FAM227B: variants seen among roughly 807,000 people sequenced by gnomAD.
FAM227B encodes the protein protein FAM227B.
In FAM227B, 88 loss-of-function variants were observed where a neutral mutation model predicts 73.8. The observed-to-expected ratio is 1.19, with a 90% confidence interval of 1.00 to 1.42. The LOEUF (loss-of-function observed/expected upper bound fraction) is 1.42, where lower values mean the gene tolerates loss of function less well. FAM227B is among the 40% of genes most tolerant of loss of function. The pLI is 0.00. For missense variants in FAM227B, 632 were observed against 590.9 expected, an observed-to-expected ratio of 1.07 and a Z score of -0.72; for synonymous variants, 210 against 190.5, an observed-to-expected ratio of 1.10 and a Z score of -0.84.
At chr15:49,478,169 A>G (rs1171903036) in intron 11 of FAM227B, among the ~76,000 whole-genome samples, 1 of 152,158 alleles carries the variant, frequency 6.6e-6, no homozygotes, top group East Asian at 1.9e-4. Context: ...AACATGCAGT[A>G]TTTAGTTTTC....
intron 11 of FAM227B, among the ~76,000 whole-genome samples, chr15:49,389,888 T>C (rs1218139384): frequency 6.6e-6 from 1 of 152,018 alleles, no homozygotes; most frequent in African/African-American, 2.4e-5. Flanking sequence ...TGCCTTGTCT[T>C]TATGCCCTTG....
At chr15:49,540,824 T>C (rs1380137691) in intron 10 of FAM227B, among the ~76,000 whole-genome samples, 1 of 152,144 alleles carries the variant, frequency 6.6e-6, no homozygotes, top group Admixed American at 6.5e-5. Context: ...GGTCATTTCG[T>C]TTTTGTTTCT....
chr15:49,607,244 CCT>C (rs751576818), intron 3 of FAM227B, among the ~76,000 whole-genome samples: 7 of 152,072 alleles, frequency 4.6e-5, no homozygotes, highest in East Asian at 1.9e-4. Flanking sequence ...AAAAGGTCCC[CCT>C]GTCATTTTGA....
At chr15:49,542,248 T>C (rs1450064088) in intron 9 of FAM227B, among the ~76,000 whole-genome samples, 1 of 152,188 alleles carries the variant, frequency 6.6e-6, no homozygotes, top group Non-Finnish European at 1.5e-5. Flanking sequence ...GTACAATTTA[T>C]TGAGAAAGTA....
chr15:49,505,202 C>T (rs918838753), intron 11 of FAM227B, among the ~76,000 whole-genome samples: 3 of 152,098 alleles, frequency 2.0e-5, no homozygotes, highest in African/African-American at 7.2e-5. Context: ...TAGAAAATTG[C>T]ATTCTAACCT....
chr15:49,461,560 G>A (rs972763051), intron 11 of FAM227B, among the ~76,000 whole-genome samples: 1 of 152,138 alleles, frequency 6.6e-6, no homozygotes, highest in African/African-American at 2.4e-5. Context: ...CTTTGAAAGA[G>A]CCACGTACTT....
intron 12 of FAM227B, among the ~76,000 whole-genome samples, chr15:49,370,410 G>T (rs1467651913): frequency 3.9e-5 from 6 of 152,140 alleles, no homozygotes; most frequent in Admixed American, 1.3e-4. Context: ...TCTAAATCTG[G>T]CAATATTGCC....
intron 11 of FAM227B, among the ~76,000 whole-genome samples, chr15:49,404,648 T>C (rs533036804): frequency 3.3e-5 from 5 of 152,258 alleles, no homozygotes; most frequent in South Asian, 2.1e-4. Context: ...TTTAAGACTA[T>C]GGGTGTCATT....
At chr15:49,565,023 T>C (rs1362430717) in intron 9 of FAM227B, among the ~76,000 whole-genome samples, 2 of 152,100 alleles carry the variant, frequency 1.3e-5, no homozygotes, top group East Asian at 3.8e-4. Context: ...AAAAAGTATA[T>C]TTTTAAGTAA....
At chr15:49,603,902 C>T (rs977177702) in intron 3 of FAM227B, among the ~76,000 whole-genome samples, 3 of 152,014 alleles carry the variant, frequency 2.0e-5, no homozygotes, top group South Asian at 4.1e-4. Context: ...TCAGCATCAG[C>T]GGAAATCATA....
Position 49,615,240 on chromosome 15 carries a change from C to G in FAM227B, c.-69G>C, listed in dbSNP as rs2078214556. 1 of 1,365,988 alleles carries G rather than the reference C, an allele frequency of 7.3e-7. No individual in the cohort carries two copies. Among genetic ancestry groups the G allele is most frequent in the Non-Finnish European group, 1.0e-6 (1 of 954,366 alleles). 84.6% of individuals were successfully genotyped at this position (1,365,988 alleles called of 1,614,324 possible). ...TAGGCTTCAATGTGAGTTGGGCGAC[C>G]AAACTGGGGTATGAAAGACACCCAA... is the stretch of plus-strand genomic sequence containing the variant. On this transcript the variant is annotated 5_prime_UTR_variant, in exon 2 of 16. Coordinates refer to ENST00000299338, the MANE Select transcript of FAM227B (RefSeq NM_152647.3).
chr15:49,438,401 A>G (rs556879273), intron 11 of FAM227B, among the ~76,000 whole-genome samples: 3 of 151,874 alleles, frequency 2.0e-5, no homozygotes, highest in Admixed American at 2.0e-4. Context: ...ATGAATATCC[A>G]TTGCTTTGTT....
At chr15:49,384,296 C>CT (rs1237168428) in intron 11 of FAM227B, among the ~76,000 whole-genome samples, 18 of 152,032 alleles carry the variant, frequency 1.2e-4, no homozygotes, top group African/African-American at 3.9e-4. Context: ...GTATTTTACT[C>CT]TTTGAGCACT....
chr15:49,415,336 TTCTC>T, intron 11 of FAM227B, among the ~76,000 whole-genome samples: 1 of 152,276 alleles, frequency 6.6e-6, no homozygotes, highest in Middle Eastern at 3.4e-3. Flanking sequence ...TGAAGCAAAA[TTCTC>T]TCTGTGAGAA....
intron 11 of FAM227B, among the ~76,000 whole-genome samples, chr15:49,376,417 A>C (rs1336065111): frequency 6.6e-6 from 1 of 152,068 alleles, no homozygotes; most frequent in Non-Finnish European, 1.5e-5. Flanking sequence ...CTTCTAGAAA[A>C]TCAATGACCC....
At chr15:49,390,065 G>A (rs1452159378) in intron 11 of FAM227B, among the ~76,000 whole-genome samples, 1 of 152,030 alleles carries the variant, frequency 6.6e-6, no homozygotes, top group African/African-American at 2.4e-5. Flanking sequence ...ACTGCAAACT[G>A]TCTTTAAGTT....
intron 13 of FAM227B, chr15:49,365,467 G>A: frequency 1.1e-6 from 1 of 875,586 alleles, no homozygotes; most frequent in South Asian, 1.3e-5. Flanking sequence ...GCCCAATATT[G>A]AAACAGGCAT....
chr15:49,365,471 C>G (rs1375565241), intron 13 of FAM227B: 1 of 867,806 alleles, frequency 1.2e-6, no homozygotes, highest in African/African-American at 1.6e-5. Flanking sequence ...AATATTGAAA[C>G]AGGCATGATG....
chr15:49,421,186 T>C (rs1403884351), intron 11 of FAM227B, among the ~76,000 whole-genome samples: 1 of 152,254 alleles, frequency 6.6e-6, no homozygotes, highest in Non-Finnish European at 1.5e-5. Context: ...TTACCCCATC[T>C]ACAGTTGCCT....
Sources: allele counts gnomAD v4.1 joint callset (sites outside exome capture counted in the v4.1 genomes callset), GRCh38; gene constraint gnomAD v4.1.1; transcripts MANE v1.5; gene names NCBI Gene and HGNC (gene_info 2026-07-23, HGNC 2026-07-21).